KCNIP4: variants seen among roughly 807,000 people sequenced by gnomAD.
KCNIP4 encodes the protein Kv channel-interacting protein 4.
KCNIP4 carries 12 observed loss-of-function variants against 34.0 expected under a neutral mutation model. The observed-to-expected ratio is 0.35, with a 90% CI of 0.23 to 0.57. The LOEUF (loss-of-function observed/expected upper bound fraction) is 0.57, where lower values mean the gene tolerates loss of function less well. Ranked by LOEUF, KCNIP4 falls within the 20% of genes least tolerant of loss-of-function variation. The pLI, the probability that KCNIP4 is intolerant of heterozygous loss-of-function variation, is 0.83. For missense variants in KCNIP4, 238 were observed against 311.7 expected (o/e 0.76, Z 1.78); for synonymous variants, 124 against 102.2 (o/e 1.21, Z -1.29).
chr4:21,834,881 A>G (rs1411621015), intron 1 of KCNIP4, among the ~76,000 whole-genome samples: 2 of 152,294 alleles, frequency 1.3e-5, no homozygotes, highest in East Asian at 3.9e-4. Flanking sequence ...TTCTGTTTAC[A>G]TGCTGGATTA....
chr4:21,145,841 C>T (rs994949373), intron 1 of KCNIP4, among the ~76,000 whole-genome samples: 2 of 152,152 alleles, frequency 1.3e-5, no homozygotes, highest in African/African-American at 4.8e-5. Flanking sequence ...CCAATACCCA[C>T]GCCTGACTAA....
chr4:20,993,225 A>G (rs910532562), intron 1 of KCNIP4, among the ~76,000 whole-genome samples: 6 of 152,044 alleles, frequency 3.9e-5, no homozygotes, highest in Admixed American at 3.9e-4. Flanking sequence ...GCAACAGGGT[A>G]TGAAGATGTC....
In KCNIP4 at chr4:20,956,369, G is replaced by GT. The variant is rs528621837; in HGVS notation, c.62-73661dup. ...AATACAAAAAAATTAGCCGGGCGTG[G>GT]TGGCGGGTGCCCGTGGTCCCAGCTA... On this transcript the variant is annotated intron_variant, in intron 1 of 8. Transcript: ENST00000382152. Among the ~76,000 whole-genome samples the GT allele has an allele frequency of 1.3e-3, 199 of 152,220 alleles. 2 individuals are homozygous for GT. The highest frequency in any genetic ancestry group is 4.3e-3 in the African/African-American group (180 of 41,518).
chr4:21,351,017 T>C (rs1717954825), intron 1 of KCNIP4, among the ~76,000 whole-genome samples: 2 of 152,168 alleles, frequency 1.3e-5, no homozygotes, highest in South Asian at 4.1e-4. Context: ...AAATATTATT[T>C]TGACTACAGG....
At chr4:21,460,101 CCG>C (rs10539219) in intron 1 of KCNIP4, among the ~76,000 whole-genome samples, 37,997 of 125,314 alleles carry the variant, frequency 0.3, 5,467 homozygotes, top group Non-Finnish European at 0.43. Flanking sequence ...AATCTGCCCC[CCG>C]CCCCCCATCT....
intron 5 of KCNIP4, among the ~76,000 whole-genome samples, chr4:20,745,605 T>C (rs951406794): frequency 2.0e-5 from 3 of 152,130 alleles, no homozygotes; most frequent in Admixed American, 2.0e-4. Flanking sequence ...TTCCCTAAAG[T>C]ACAAAAAATG....
intron 1 of KCNIP4, among the ~76,000 whole-genome samples, chr4:21,021,048 A>C (rs986859907): frequency 2.0e-5 from 3 of 152,138 alleles, no homozygotes; most frequent in Non-Finnish European, 4.4e-5. Flanking sequence ...CAAACCTAGA[A>C]GGCATAACCG....
intron 1 of KCNIP4, among the ~76,000 whole-genome samples, chr4:21,403,116 A>G (rs1379848182): frequency 6.6e-6 from 1 of 152,118 alleles, no homozygotes; most frequent in African/African-American, 2.4e-5. Flanking sequence ...TCTTCCTTGA[A>G]ATGTCTTCTT....
intron 1 of KCNIP4, among the ~76,000 whole-genome samples, chr4:21,026,581 G>A (rs931407828): frequency 6.6e-6 from 1 of 152,154 alleles, no homozygotes; most frequent in African/African-American, 2.4e-5. Flanking sequence ...TTGAGCCCAG[G>A]AGGCAGAGGT....
chr4:21,598,010 G>A (rs1054664528), intron 1 of KCNIP4, among the ~76,000 whole-genome samples: 1 of 152,086 alleles, frequency 6.6e-6, no homozygotes, highest in South Asian at 2.1e-4. Flanking sequence ...AGTTGGGAGG[G>A]TAAATTATTT....
chr4:20,997,168 A>G lies in KCNIP4; in HGVS notation c.62-114459T>C, dbSNP rs747608592. Among the ~76,000 whole-genome samples the G allele has an allele frequency of 3.3e-5, 5 of 152,298 alleles. No homozygotes were observed. In the South Asian group the frequency reaches 1.0e-3, roughly 32 times the overall value. On this transcript the variant is annotated intron_variant, in intron 1 of 8. Transcript: ENST00000382152. The stretch of plus-strand genomic sequence containing the variant: ...AGTTGACAGGCATGATCATGGCAGT[A>G]TCTGGTCCGTTTCATCTGGTAATAG...
chr4:20,766,596 C>G (rs1349426515), intron 3 of KCNIP4, among the ~76,000 whole-genome samples: 1 of 151,992 alleles, frequency 6.6e-6, no homozygotes, highest in Admixed American at 6.6e-5. Flanking sequence ...AAACATAAAG[C>G]AACTTTAGAG....
chr4:21,783,330 A>G (rs1719691527), intron 1 of KCNIP4, among the ~76,000 whole-genome samples: 1 of 152,212 alleles, frequency 6.6e-6, no homozygotes, highest in South Asian at 2.1e-4. Flanking sequence ...AACTTTAAAA[A>G]GAGGCAGACA....
intron 1 of KCNIP4, among the ~76,000 whole-genome samples, chr4:20,902,068 C>T (rs1326823292): frequency 6.6e-6 from 1 of 152,176 alleles, no homozygotes; most frequent in Non-Finnish European, 1.5e-5. Context: ...AACCTTGACA[C>T]ATTTTCTGGA....
chr4:20,783,273 T>C (rs944849441), intron 3 of KCNIP4, among the ~76,000 whole-genome samples: 2 of 152,206 alleles, frequency 1.3e-5, no homozygotes, highest in African/African-American at 2.4e-5. Flanking sequence ...TGTTACCCAG[T>C]TCCTACGTCA....
intron 3 of KCNIP4, among the ~76,000 whole-genome samples, chr4:20,768,490 C>T (rs1755608765): frequency 6.6e-6 from 1 of 152,072 alleles, no homozygotes; most frequent in African/African-American, 2.4e-5. Context: ...TAGGATTAAC[C>T]TTTCAGTTTT....
At position 21,291,862 on chromosome 4, in the gene KCNIP4, AAAAAAAAAGAAAGAAAG is replaced by A. The variant is rs1249361802; in HGVS notation, c.62-409170_62-409154del. 1.7e-4 allele frequency among the ~76,000 whole-genome samples: 20 copies of A among 115,932 alleles called. 2 individuals carry two copies. The highest frequency in any genetic ancestry group is 6.2e-4 in the African/African-American group (17 of 27,608). The allele number at this position is 115,932 out of a possible 152,430, so 76.1% of individuals were successfully genotyped here. On this transcript the variant is annotated intron_variant, in intron 1 of 8. Transcript: ENST00000382152. ...GAGTTAGACTCCGCCTCAAAAAAAA[AAAAAAAAAGAAAGAAAG>A]AAAGAAAGAAAGAAAGAAAGAAAGA...
intron 1 of KCNIP4, among the ~76,000 whole-genome samples, chr4:21,243,377 T>C (rs937154016): frequency 1.3e-5 from 2 of 152,206 alleles, no homozygotes; most frequent in African/African-American, 4.8e-5. Flanking sequence ...ATGAAACAAA[T>C]TTATATTTTG....
chr4:20,805,186 C>CTT (rs10552321), intron 3 of KCNIP4, among the ~76,000 whole-genome samples: 1,376 of 91,918 alleles, frequency 0.015, 33 homozygotes, highest in Middle Eastern at 0.03. Context: ...TAGATGCTTC[C>CTT]TTTTTTTTTT....
Sources: gnomAD v4.1 joint callset for allele counts (sites outside exome capture counted in the v4.1 genomes callset) on GRCh38, gnomAD v4.1.1 for gene constraint, MANE v1.5 for transcripts, NCBI Gene and HGNC (gene_info 2026-07-23, HGNC 2026-07-21) for gene names.